The following ZDHHC5 variants were observed in gnomAD, a reference collection of about 807,000 sequenced individuals.
ZDHHC5 encodes the protein palmitoyltransferase ZDHHC5.
Under a neutral mutation model 70.0 loss-of-function variants are expected in ZDHHC5, and 22 were observed. The ratio of observed to expected loss-of-function variants is 0.31; its 90% CI spans 0.22 to 0.45. The LOEUF is 0.45. Among genes scored for constraint, ZDHHC5 ranks in the 20% least tolerant of loss-of-function variants. The probability of loss-of-function intolerance (pLI) is 1.00; values close to 1 mark genes in which losing one functional copy is unlikely to be tolerated. For synonymous variants in ZDHHC5, 313 were observed against 347.8 expected (o/e 0.90, Z 1.11); for missense variants, 746 against 926.9 (o/e 0.80, Z 2.53).
chr11:57,694,969 G>T lies in ZDHHC5; in HGVS notation c.886-951G>T, dbSNP rs116013574. On this transcript the variant is annotated intron_variant, in intron 8 of 11. Coordinates refer to ENST00000287169, the MANE Select transcript of ZDHHC5 (RefSeq NM_015457.3). ...CTAAAACAGACTAAAATAAAAAATAGAAAAATTTTCTGGCTGGGCGTAGTG... is the reference window on the plus strand; with the variant it reads ...CTAAAACAGACTAAAATAAAAAATATAAAAATTTTCTGGCTGGGCGTAGTG... Among the ~76,000 whole-genome samples the T allele has an allele frequency of 5.5e-3, 831 of 152,110 alleles. 11 individuals are homozygous for T. The highest frequency in any genetic ancestry group is 0.019 in the African/African-American group (797 of 41,488).
At chr11:57,691,720 TTTTAAA>T (rs1300012413) in intron 6 of ZDHHC5, among the ~76,000 whole-genome samples, 1 of 152,112 alleles carries the variant, frequency 6.6e-6, no homozygotes, top group Non-Finnish European at 1.5e-5. Context: ...ATTAATAGAT[TTTTAAA>T]TTTAAAGTGT....
chr11:57,689,784 C>T (rs1197421950), intron 4 of ZDHHC5, among the ~76,000 whole-genome samples: 1 of 151,674 alleles, frequency 6.6e-6, no homozygotes, highest in East Asian at 1.9e-4. Flanking sequence ...AACTCCTGGG[C>T]TCAAGCCCCA....
intron 1 of ZDHHC5, among the ~76,000 whole-genome samples, chr11:57,669,469 T>G (rs1945974178): frequency 6.6e-6 from 1 of 152,230 alleles, no homozygotes; most frequent in African/African-American, 2.4e-5. Flanking sequence ...TTTTTTCTCA[T>G]TTTTGAGACG....
At chr11:57,695,841 C>T (rs1946343287) in intron 8 of ZDHHC5, 79 bp from the exon 9 acceptor site, 1 of 1,536,002 alleles carries the variant, frequency 6.5e-7, no homozygotes, top group Admixed American at 2.2e-5. Context: ...AAATACCTCC[C>T]TCTTATATCA....
chr11:57,687,778 T>G (rs1270174229), intron 3 of ZDHHC5, among the ~76,000 whole-genome samples: 2 of 116,504 alleles, frequency 1.7e-5, no homozygotes, highest in African/African-American at 6.2e-5. Context: ...TTTTTTTTTT[T>G]TTTTAAGATG....
At chr11:57,698,310 C>T (rs992150296) in intron 10 of ZDHHC5, among the ~76,000 whole-genome samples, 5 of 152,172 alleles carry the variant, frequency 3.3e-5, no homozygotes, top group Non-Finnish European at 5.9e-5. Context: ...GTGCTTGATC[C>T]GAGTTTATAA....
intron 4 of ZDHHC5, among the ~76,000 whole-genome samples, chr11:57,689,070 C>G (rs894739453): frequency 2.0e-5 from 3 of 152,086 alleles, no homozygotes; most frequent in Non-Finnish European, 4.4e-5. Flanking sequence ...ATTTATAGTT[C>G]TAGCCTTCTA....
chr11:57,695,870 C>T (rs185301102), intron 8 of ZDHHC5, 50 bp from the exon 9 acceptor site: 73 of 1,595,006 alleles, frequency 4.6e-5, no homozygotes, highest in Non-Finnish European at 6.0e-6. Context: ...CTTTGAGTTG[C>T]CATAATGCTC....
At chr11:57,669,707 C>T (rs986174523) in intron 1 of ZDHHC5, among the ~76,000 whole-genome samples, 13 of 152,232 alleles carry the variant, frequency 8.5e-5, no homozygotes, top group Admixed American at 7.9e-4. Context: ...GATCCGCCCG[C>T]CTCGGCCTCC....
At chr11:57,688,759 T>TATA (rs1946243942) in intron 4 of ZDHHC5, 94 bp downstream of exon 4, 2 of 1,390,710 alleles carry the variant, frequency 1.4e-6, no homozygotes, top group Non-Finnish European at 1.9e-6. Flanking sequence ...TGTGGTATAG[T>TATA]CCTGTCTAAC....
In ZDHHC5 at chr11:57,699,983, C is replaced by A; in HGVS notation, c.2100C>A (p.Val700=). 1 of 1,612,064 alleles carries A rather than the reference C, an allele frequency of 6.2e-7. No individual in the cohort carries two copies. Among genetic ancestry groups the A allele is most frequent in the South Asian group, 1.1e-5 (1 of 90,796 alleles). Residue 700 remains valine (V), a synonymous_variant, in exon 12 of 12, where the codon GTC becomes GTA. Coordinates refer to ENST00000287169, the MANE Select transcript of ZDHHC5 (RefSeq NM_015457.3). The stretch of plus-strand genomic sequence containing the variant: ...TCAGTAGCCCCACGAGGGGAGGAGT[C>A]AAGAAGGTGTCAGGGGTTGGTGGTA... The part of the protein sequence containing the change: ...PPLSSPTRGG[V]KKVSGVGGTT...
At position 57,672,158 on chromosome 11, in the gene ZDHHC5, C is replaced by A; in HGVS notation, c.-933C>A. 5.0e-6 allele frequency: 2 copies of A among 398,252 alleles called. No individual in the cohort carries two copies. Among genetic ancestry groups the A allele is most frequent in the South Asian group, 2.6e-4 (2 of 7,672 alleles). 24.7% of individuals were successfully genotyped at this position (398,252 alleles called of 1,614,324 possible). On this transcript the variant is annotated 5_prime_UTR_variant, in exon 2 of 12. Transcript: ENST00000287169. ...CCACAGTAAACTTTTGAAGTGTCAT[C>A]AATTGGAATTGATTTCTTCATCTTA...
At chr11:57,670,299 C>T (rs1251718375) in intron 1 of ZDHHC5, among the ~76,000 whole-genome samples, 1 of 151,880 alleles carries the variant, frequency 6.6e-6, no homozygotes, top group African/African-American at 2.4e-5. Context: ...TGGTGAAACC[C>T]CATCTCTACT....
At chr11:57,698,358 A>G (rs1471378152) in intron 10 of ZDHHC5, among the ~76,000 whole-genome samples, 1 of 152,148 alleles carries the variant, frequency 6.6e-6, no homozygotes, top group African/African-American at 2.4e-5. Flanking sequence ...CAGCCTTTCT[A>G]CGTCTTGCTT....
At chr11:57,676,429 C>G (rs1239530848) in intron 2 of ZDHHC5, among the ~76,000 whole-genome samples, 1 of 152,176 alleles carries the variant, frequency 6.6e-6, no homozygotes, top group Non-Finnish European at 1.5e-5. Context: ...AGGATAACTA[C>G]TTGGATGCTT....
Position 57,672,248 on chromosome 11 carries a change from T to G in ZDHHC5, c.-843T>G. 1 of 398,620 alleles carries G rather than the reference T, an allele frequency of 2.5e-6. No individual in the cohort carries two copies. The highest frequency in any genetic ancestry group is 4.4e-6 in the Non-Finnish European group (1 of 226,066). 24.7% of individuals were successfully genotyped at this position (398,620 alleles called of 1,614,324 possible). A position where few individuals can be genotyped will look rare whatever the true frequency, so the allele number is the denominator to read the frequency against. ...GTTTCCCTTTAGTTTTACATGAACT[T>G]TGTAGGAAACAGAGCCCTTAAAGGG... is the stretch of plus-strand genomic sequence containing the variant. On this transcript the variant is annotated 5_prime_UTR_variant, in exon 2 of 12. Transcript: ENST00000287169.
chr11:57,669,741 G>A (rs1189119262), intron 1 of ZDHHC5, among the ~76,000 whole-genome samples: 1 of 152,204 alleles, frequency 6.6e-6, no homozygotes, highest in African/African-American at 2.4e-5. Context: ...TTACAGGCGT[G>A]AGCCCCCGTG....
chr11:57,684,950 C>T (rs1946191723), intron 3 of ZDHHC5, among the ~76,000 whole-genome samples: 1 of 152,072 alleles, frequency 6.6e-6, no homozygotes, highest in South Asian at 2.1e-4. Context: ...ACTTTAAGAC[C>T]AGCCTGGTCA....
chr11:57,699,192 T>C lies in ZDHHC5; in HGVS notation c.1756T>C (p.Ser586Pro), dbSNP rs1946403463. Reference sequence around the variant, plus strand: ...GGGCCATGCCCCTCGTACTAGTTCCTCCTCAGATGATTCAAAGAGATCACC... The same window carrying C: ...GGGCCATGCCCCTCGTACTAGTTCCCCCTCAGATGATTCAAAGAGATCACC... ...GSGHAPRTSS[S>P]SDDSKRSPLG... The change falls in exon 11 of 12, where the codon TCC becomes CCC. Residue 586 changes from serine (S) to proline (P), a missense_variant. Physicochemically the swap from Ser to Pro is moderately conservative, Grantham distance 74 (BLOSUM62 -1). Transcript: ENST00000287169. 1.2e-6 allele frequency: 2 copies of C among 1,614,240 alleles called. No homozygotes were observed. Among genetic ancestry groups the C allele is most frequent in the East Asian group, 2.2e-5 (1 of 44,884 alleles).
Sources: allele counts gnomAD v4.1 joint callset (sites outside exome capture counted in the v4.1 genomes callset), GRCh38; gene constraint gnomAD v4.1.1; transcripts MANE v1.5; gene names NCBI Gene and HGNC (gene_info 2026-07-23, HGNC 2026-07-21).